Variants in ENAH observed in about 807,000 individuals in gnomAD.
The protein encoded by ENAH is protein enabled homolog.
A neutral mutation model predicts 78.7 loss-of-function variants in ENAH; 23 were observed. That is an observed-to-expected ratio of 0.29 (90% confidence interval 0.21 to 0.41). ENAH has a LOEUF of 0.41. ENAH is among the 10% of genes least tolerant of loss of function. The probability of loss-of-function intolerance (pLI) is 1.00; values close to 1 mark genes in which losing one functional copy is unlikely to be tolerated. For synonymous variants in ENAH, 226 were observed against 241.0 expected (o/e 0.94, Z 0.58); for missense variants, 544 against 691.0 (o/e 0.79, Z 2.39).
intron 1 of ENAH, among the ~76,000 whole-genome samples, chr1:225,590,688 TC>T (rs1276171026): frequency 6.6e-6 from 1 of 151,962 alleles, no homozygotes; most frequent in Non-Finnish European, 1.5e-5. Flanking sequence ...TCTGCCAACA[TC>T]CCTATGTCAG....
intron 6 of ENAH, 192 bp from the exon 7 acceptor site, chr1:225,515,092 A>G: frequency 5.1e-6 from 3 of 585,604 alleles, no homozygotes; most frequent in South Asian, 2.3e-5. Context: ...CCAAGTATAT[A>G]TAACTACTTA....
intron 2 of ENAH, 132 bp downstream of exon 2, chr1:225,567,117 A>G (rs2096738648): frequency 5.0e-6 from 5 of 991,432 alleles, no homozygotes; most frequent in Non-Finnish European, 2.9e-6. Flanking sequence ...GTGGAGAGAC[A>G]ATTTTATATT....
chr1:225,615,460 G>A (rs999651178), intron 1 of ENAH, among the ~76,000 whole-genome samples: 6 of 152,184 alleles, frequency 3.9e-5, no homozygotes, highest in Admixed American at 2.6e-4. Context: ...CTGCCTGGCC[G>A]CCACCCCATC....
chr1:225,574,611 T>TATAAAAA lies in ENAH; in HGVS notation c.6-7198_6-7197insTTTTTAT, dbSNP rs1558840545. On this transcript the variant is annotated intron_variant, in intron 1 of 13. Transcript: ENST00000366843. ...AGTGAGACTCTGTCTCCAAAATATA[T>TATAAAAA]AAAAAAAAGGCCGGGCGCGGTGGCT... Among the ~76,000 whole-genome samples the TATAAAAA allele has an allele frequency of 9.2e-4, 24 of 26,130 alleles. 8 individuals carry two copies. The highest frequency in any genetic ancestry group is 4.8e-3 in the African/African-American group (20 of 4,164). 17.1% of individuals were successfully genotyped at this position (26,130 alleles called of 152,430 possible). A position where few individuals can be genotyped will look rare whatever the true frequency, so the allele number is the denominator to read the frequency against.
At chr1:225,653,562 A>G (rs551097333), upstream of ENAH, among the ~76,000 whole-genome samples, 11 of 151,928 alleles carry the variant, frequency 7.2e-5, no homozygotes, top group Middle Eastern at 3.4e-3. This position sits in a 1 kb window ranked among gnomAD's most constrained non-coding sequence, Gnocchi z 4.3. Context: ...CACGGTGCGG[A>G]GACCGAGGCG....
rs1239902591 is a variant in ENAH, at chr1:225,487,893, T to G, written c.*9882A>C. 6.6e-6 allele frequency: 1 copy of G among 152,198 alleles called. No homozygotes were observed. The highest frequency in any genetic ancestry group is 1.5e-5 in the Non-Finnish European group (1 of 68,036). The allele number at this position is 152,198 out of a possible 1,614,324, so 9.4% of individuals were successfully genotyped here. On this transcript the variant is annotated 3_prime_UTR_variant, in exon 14 of 14. Coordinates refer to ENST00000366843, the MANE Select transcript of ENAH (RefSeq NM_018212.6). ...AAGAAATTCACTTTTAAATTTTTTC[T>G]ACTGTGCTGTTCTACTATATACTTT...
chr1:225,605,521 G>T (rs1261155492), intron 1 of ENAH, among the ~76,000 whole-genome samples: 1 of 152,162 alleles, frequency 6.6e-6, no homozygotes, highest in Non-Finnish European at 1.5e-5. Context: ...TACAATGTCC[G>T]AGTTATTTCC....
Position 225,497,725 on chromosome 1 carries a change from A to T in ENAH, c.*50T>A. 1 of 1,573,948 alleles carries T rather than the reference A, an allele frequency of 6.4e-7. No individual in the cohort carries two copies. Among genetic ancestry groups the T allele is most frequent in the South Asian group, 1.1e-5 (1 of 89,010 alleles). ...GCTGTTGTGAACAGTTGTTGTTTGT[A>T]GGATATTTTTCCTCCAGATTAAAGT... is the stretch of plus-strand genomic sequence containing the variant. On this transcript the variant is annotated 3_prime_UTR_variant, in exon 14 of 14. Coordinates refer to ENST00000366843, the MANE Select transcript of ENAH (RefSeq NM_018212.6).
rs576959653 is a variant in ENAH, at chr1:225,650,464, C to T, written c.5+2222G>A. Among the ~76,000 whole-genome samples the T allele has an allele frequency of 5.9e-5, 9 of 152,308 alleles. No homozygotes were observed. In the South Asian group the frequency reaches 1.2e-3, roughly 21 times the overall value. On this transcript the variant is annotated intron_variant, in intron 1 of 13. Coordinates refer to ENST00000366843, the MANE Select transcript of ENAH (RefSeq NM_018212.6). ...GTGACAGACTGACATCTATACATGA[C>T]AGTGATTAAACTTCACTGAATACCC...
At chr1:225,521,245 T>C (rs2096465768) in intron 4 of ENAH, among the ~76,000 whole-genome samples, 1 of 152,156 alleles carries the variant, frequency 6.6e-6, no homozygotes, top group Non-Finnish European at 1.5e-5. Context: ...CTTTTTCTGT[T>C]TCTATAGGAT....
At position 225,493,264 on chromosome 1, in the gene ENAH, G is replaced by A. The variant is rs1383861855; in HGVS notation, c.*4511C>T. The A allele has an allele frequency of 6.6e-6, 1 of 152,140 alleles. No individual in the cohort carries two copies. The highest frequency in any genetic ancestry group is 2.4e-5 in the African/African-American group (1 of 41,426). The allele number at this position is 152,140 out of a possible 1,614,324, so 9.4% of individuals were successfully genotyped here. A position where few individuals can be genotyped will look rare whatever the true frequency, so the allele number is the denominator to read the frequency against. On this transcript the variant is annotated 3_prime_UTR_variant, in exon 14 of 14. Transcript: ENST00000366843. ...CATCACAGACCTCCAACAGTTCTTG[G>A]CTTCTATAAACGGACTTTCTTGAGG...
intron 11 of ENAH, among the ~76,000 whole-genome samples, chr1:225,504,332 A>C (rs1055865299): frequency 1.3e-5 from 2 of 152,104 alleles, no homozygotes; most frequent in Non-Finnish European, 2.9e-5. Context: ...TTTTATGATG[A>C]GAGCGTTGCC....
chr1:225,591,046 T>C (rs1183820741), intron 1 of ENAH, among the ~76,000 whole-genome samples: 2 of 152,246 alleles, frequency 1.3e-5, no homozygotes, highest in South Asian at 2.1e-4. Flanking sequence ...ATTAATGCTA[T>C]AACACTTTTT....
intron 2 of ENAH, among the ~76,000 whole-genome samples, chr1:225,556,698 T>C (rs896618994): frequency 6.6e-6 from 1 of 152,226 alleles, no homozygotes; most frequent in Non-Finnish European, 1.5e-5. Flanking sequence ...CTGTTCAAAT[T>C]AGCAATCTTT....
At chr1:225,567,658 A>G (rs2096741521) in intron 1 of ENAH, among the ~76,000 whole-genome samples, 1 of 152,202 alleles carries the variant, frequency 6.6e-6, no homozygotes, top group Admixed American at 6.5e-5. Flanking sequence ...GAACACTTAG[A>G]TAAGCAACAC....
intron 1 of ENAH, among the ~76,000 whole-genome samples, chr1:225,586,618 T>C (rs1244599797): frequency 6.6e-6 from 1 of 152,156 alleles, no homozygotes; most frequent in Non-Finnish European, 1.5e-5. Flanking sequence ...ATTAAAATAC[T>C]AACACATCAT....
At chr1:225,515,923 C>T (rs1226175638) in intron 6 of ENAH, among the ~76,000 whole-genome samples, 6 of 152,172 alleles carry the variant, frequency 3.9e-5, no homozygotes, top group East Asian at 1.9e-4. Context: ...CCAAACTGAA[C>T]GTCTTAGAAT....
chr1:225,515,023 C>T, intron 6 of ENAH, 123 bp from the exon 7 acceptor site: 1 of 790,944 alleles, frequency 1.3e-6, no homozygotes, highest in South Asian at 1.6e-5. Flanking sequence ...TTAATGAGTC[C>T]AATTTATCAT....
chr1:225,588,677 G>A (rs901457220), intron 1 of ENAH, among the ~76,000 whole-genome samples: 2 of 151,954 alleles, frequency 1.3e-5, no homozygotes, highest in African/African-American at 4.8e-5. Flanking sequence ...GCTTGGTGGC[G>A]CATGCCTGTA....
Sources: allele counts gnomAD v4.1 joint callset (sites outside exome capture counted in the v4.1 genomes callset), GRCh38; gene constraint gnomAD v4.1.1; non-coding constraint Gnocchi (gnomAD v3.1); transcripts MANE v1.5; gene names NCBI Gene and HGNC (gene_info 2026-07-23, HGNC 2026-07-21).